MYO1G: variants seen among roughly 807,000 people sequenced by gnomAD.
The protein encoded by MYO1G is myosin IG, also known as unconventional myosin-Ig.
Under a neutral mutation model 115.3 loss-of-function variants are expected in MYO1G, and 65 were observed. The ratio of observed to expected loss-of-function variants is 0.56; its 90% confidence interval spans 0.46 to 0.69. The LOEUF (loss-of-function observed/expected upper bound fraction) is 0.69, where lower values mean the gene tolerates loss of function less well. MYO1G is among the 30% of genes least tolerant of loss of function. The probability of loss-of-function intolerance (pLI) is 0.00; values close to 1 mark genes in which losing one functional copy is unlikely to be tolerated. For missense variants in MYO1G, 1,204 were observed against 1,393.5 expected (o/e 0.86, Z 2.16); for synonymous variants, 510 against 552.6 (o/e 0.92, Z 1.08).
rs1435728071 is a variant in MYO1G at position 44,966,337 on chromosome 7, C to T, written c.1950-57G>A. The T allele has an allele frequency of 1.6e-5, 23 of 1,431,716 alleles. No individual in the cohort carries two copies. Among genetic ancestry groups the T allele is most frequent in the East Asian group, 4.9e-5 (2 of 40,414 alleles). The allele number at this position is 1,431,716 out of a possible 1,614,324, so 88.7% of individuals were successfully genotyped here. On this transcript the variant is annotated intron_variant, in intron 15 of 21. Transcript: ENST00000258787. This position sits in a 1 kb window ranked among gnomAD's most constrained non-coding sequence, Gnocchi z 5.0. ...GGCCTGGGGGAGAGATGATGGAGCC[C>T]ACCCTGCCCACCCCACACCTGGGGA...
At chr7:44,968,067 G>A (rs1171612752) in intron 12 of MYO1G, 109 bp from the exon 13 acceptor site, 7 of 877,762 alleles carry the variant, frequency 8.0e-6, no homozygotes, top group African/African-American at 1.7e-5. Context: ...GTTCCCATAG[G>A]TCAGTCTCTC....
rs1203998039 is a variant in MYO1G at position 44,975,214 on chromosome 7, T to C, written c.578A>G (p.Lys193Arg). 4 of 1,613,938 alleles carry C rather than the reference T, an allele frequency of 2.5e-6. No individual in the cohort carries two copies. The highest frequency in any genetic ancestry group is 1.3e-5 in the African/African-American group (1 of 74,914). The change falls in exon 5 of 22, where the codon AAG (lysine) becomes AGG (arginine). Residue 193 changes from lysine (K) to arginine (R), a missense_variant. Physicochemically the swap from Lys to Arg is conservative, Grantham distance 26. Coordinates refer to ENST00000258787, the MANE Select transcript of MYO1G (RefSeq NM_033054.3). The stretch of plus-strand genomic sequence containing the variant: ...GAAGTTTCTTTCACCCACGTGCTGC[T>C]TGAGGACCCGAGACTGAGGAGAGAG... ...SYLLEKSRVLKQHVGERNFHA... is the reference protein window; with the variant it reads ...SYLLEKSRVLRQHVGERNFHA...
chr7:44,976,475 G>T, intron 3 of MYO1G, 89 bp downstream of exon 3: 1 of 1,272,828 alleles, frequency 7.9e-7, no homozygotes, highest in South Asian at 1.2e-5. Context: ...TCCAGTTGCC[G>T]TCTCTCACTC....
Position 44,962,686 on chromosome 7 carries a change from A to C in MYO1G, c.*53T>G. ...GGGCTGACTCAGAAGGTTTATTTGC[A>C]GCGCTGGCGGGGCGGACAATTGGCG... On this transcript the variant is annotated 3_prime_UTR_variant, in exon 22 of 22. Coordinates refer to ENST00000258787, the MANE Select transcript of MYO1G (RefSeq NM_033054.3). The surrounding 1 kb of genome is among the most constrained non-coding windows in gnomAD (Gnocchi z 5.3). 1 of 1,439,208 alleles carries C rather than the reference A, an allele frequency of 6.9e-7. No homozygotes were observed. Among genetic ancestry groups the C allele is most frequent in the Non-Finnish European group, 9.0e-7 (1 of 1,105,596 alleles). The allele number at this position is 1,439,208 out of a possible 1,614,324, so 89.2% of individuals were successfully genotyped here.
In MYO1G at chr7:44,976,549, C is replaced by A; in HGVS notation, c.398+15G>T. On this transcript the variant is annotated intron_variant, in intron 3 of 21. Coordinates refer to ENST00000258787, the MANE Select transcript of MYO1G (RefSeq NM_033054.3). ...CCTGCCATGCTGAGGCCCAGAGCTG[C>A]CCATTGCCACTCACCTCTCCACCTC... 6.2e-7 allele frequency: 1 copy of A among 1,612,366 alleles called. No individual in the cohort carries two copies. The highest frequency in any genetic ancestry group is 8.5e-7 in the Non-Finnish European group (1 of 1,178,432).
chr7:44,964,140 C>T lies in MYO1G; in HGVS notation c.2654G>A (p.Arg885Gln), dbSNP rs1284165978. ...VRKVNRFHKIRNRALLLTDQH... is the reference protein window; with the variant it reads ...VRKVNRFHKIQNRALLLTDQH... ...GTCTGTGAGCAGGAGGGCCCGGTTC[C>T]GGATCTTGTGGAAGCGGTTCACCTG... The change falls in exon 20 of 22, where the codon CGG becomes CAG. Residue 885 changes from arginine (R) to glutamine (Q), a missense_variant. By Grantham distance (43) the Arg-to-Gln change is conservative. Transcript: ENST00000258787. This position sits in a 1 kb window ranked among gnomAD's most constrained non-coding sequence, Gnocchi z 5.1. 1.1e-5 allele frequency: 18 copies of T among 1,599,426 alleles called. No homozygotes were observed. The highest frequency in any genetic ancestry group is 1.4e-5 in the Non-Finnish European group (16 of 1,173,058).
Position 44,962,958 on chromosome 7 carries a change from G to C in MYO1G, c.2900+12C>G, listed in dbSNP as rs1794774675. The C allele has an allele frequency of 6.5e-7, 1 of 1,528,876 alleles. No homozygotes were observed. Among genetic ancestry groups the C allele is most frequent in the Non-Finnish European group, 8.8e-7 (1 of 1,141,948 alleles). 94.7% of individuals were successfully genotyped at this position (1,528,876 alleles called of 1,614,324 possible). A position where few individuals can be genotyped will look rare whatever the true frequency, so the allele number is the denominator to read the frequency against. ...GGGGCTTCGTGCCCGCTACCGCCCA[G>C]CCTGCACTCACCCCTGGCAGTGTGC... On this transcript the variant is annotated intron_variant, in intron 21 of 21. Transcript: ENST00000258787. This position sits in a 1 kb window ranked among gnomAD's most constrained non-coding sequence, Gnocchi z 5.3.
chr7:44,970,281 C>T lies in MYO1G; in HGVS notation c.1218-127G>A, dbSNP rs187999205. ...GTTCTGGTGCCAGCACCCTGTGTGG[C>T]TTCCCTGTGGCTTATGCATCCCTGC... On this transcript the variant is annotated intron_variant, in intron 9 of 21. Transcript: ENST00000258787. The T allele has an allele frequency of 1.0e-5, 8 of 762,106 alleles. No homozygotes were observed. In the East Asian group the frequency reaches 1.9e-4, roughly 18 times the overall value. 47.2% of individuals were successfully genotyped at this position (762,106 alleles called of 1,614,324 possible).
Position 44,962,667 on chromosome 7 carries a change from A to G in MYO1G, c.*72T>C. On this transcript the variant is annotated 3_prime_UTR_variant, in exon 22 of 22. Coordinates refer to ENST00000258787, the MANE Select transcript of MYO1G (RefSeq NM_033054.3). This position sits in a 1 kb window ranked among gnomAD's most constrained non-coding sequence, Gnocchi z 5.3. The stretch of plus-strand genomic sequence containing the variant: ...GCGGGAGCGGCGAGCAGGAGGGCTG[A>G]CTCAGAAGGTTTATTTGCAGCGCTG... The G allele has an allele frequency of 7.1e-7, 1 of 1,407,530 alleles. No individual in the cohort carries two copies. Among genetic ancestry groups the G allele is most frequent in the Non-Finnish European group, 9.2e-7 (1 of 1,087,436 alleles). 87.2% of individuals were successfully genotyped at this position (1,407,530 alleles called of 1,614,324 possible). A position where few individuals can be genotyped will look rare whatever the true frequency, so the allele number is the denominator to read the frequency against.
rs1196219373 is a variant in MYO1G, at chr7:44,970,726, C to T, written c.1083G>A (p.Gln361=). Residue 361 remains glutamine, a synonymous_variant, in exon 9 of 22, where the codon CAG becomes CAA. Transcript: ENST00000258787. ...ARDACAKAVY[Q]RLFEWVVNRI... ...TGTTCACCACCCACTCAAACAGCCG[C>T]TGGTACACTGCCTGGGGGATAGGAA... 2.5e-6 allele frequency: 4 copies of T among 1,613,884 alleles called. No homozygotes were observed. The Admixed American group carries it at 6.7e-5, about 27-fold the overall frequency.
intron 17 of MYO1G, 46 bp from the exon 18 acceptor site, chr7:44,965,135 G>C: frequency 6.4e-7 from 1 of 1,572,114 alleles, no homozygotes; most frequent in East Asian, 2.3e-5. Flanking sequence ...ATGTGTTCAT[G>C]TGCTCCCTGA....
At position 44,969,101 on chromosome 7, in the gene MYO1G, C is replaced by T. The variant is rs909649785; in HGVS notation, c.1574+312G>A. The T allele has an allele frequency of 6.2e-6, 2 of 322,776 alleles. No individual in the cohort carries two copies. The highest frequency in any genetic ancestry group is 1.2e-5 in the Non-Finnish European group (2 of 166,680). 20.0% of individuals were successfully genotyped at this position (322,776 alleles called of 1,614,324 possible). ...TGCACCTTCCACTCCCTCCCCACCC[C>T]CACATCACCAGCCTGAAGCCCCCCA... On this transcript the variant is annotated intron_variant, in intron 12 of 21. Coordinates refer to ENST00000258787, the MANE Select transcript of MYO1G (RefSeq NM_033054.3). This position sits in a 1 kb window ranked among gnomAD's most constrained non-coding sequence, Gnocchi z 5.0.
At chr7:44,972,459 T>C (rs1583792809) in intron 5 of MYO1G, 2 of 507,564 alleles carry the variant, frequency 3.9e-6, no homozygotes, top group East Asian at 7.3e-5. Context: ...ATGAAGTCAC[T>C]GTTCTTGTGC....
rs1795129485 is a variant in MYO1G at position 44,978,801 on chromosome 7, C to A, written c.95+66G>T. The stretch of plus-strand genomic sequence containing the variant: ...GCGTGCCTTCCTCTTTCCCTCAGGT[C>A]TCTGCGAGGACGCAAGGTGGGAGAC... On this transcript the variant is annotated intron_variant, in intron 1 of 21. Coordinates refer to ENST00000258787, the MANE Select transcript of MYO1G (RefSeq NM_033054.3). 5.4e-6 allele frequency: 8 copies of A among 1,479,384 alleles called. No individual in the cohort carries two copies. In the South Asian group the frequency reaches 8.0e-5, roughly 15 times the overall value. 91.6% of individuals were successfully genotyped at this position (1,479,384 alleles called of 1,614,324 possible).
intron 14 of MYO1G, among the ~76,000 whole-genome samples, chr7:44,967,051 G>A (rs1043611667): frequency 1.3e-5 from 2 of 152,296 alleles, no homozygotes; most frequent in East Asian, 1.9e-4. Flanking sequence ...GCCCCTGGTC[G>A]GGGGGTGGGG....
At position 44,963,480 on chromosome 7, in the gene MYO1G, G is replaced by A. The variant is rs1312140903; in HGVS notation, c.2746-356C>T. On this transcript the variant is annotated intron_variant, in intron 20 of 21. Transcript: ENST00000258787. This position sits in a 1 kb window ranked among gnomAD's most constrained non-coding sequence, Gnocchi z 4.1. ...ACTTTCACTGCATTTAAACAACCAC[G>A]CCGGCTTTGGGCTGTGGCATTACAC... 3 of 269,486 alleles carry A rather than the reference G, an allele frequency of 1.1e-5. No homozygotes were observed. Among genetic ancestry groups the A allele is most frequent in the Admixed American group, 5.1e-5 (1 of 19,468 alleles). 16.7% of individuals were successfully genotyped at this position (269,486 alleles called of 1,614,324 possible).
chr7:44,978,969 G>A lies in MYO1G; in HGVS notation c.-8C>T, dbSNP rs767475374. On this transcript the variant is annotated 5_prime_UTR_variant, in exon 1 of 22. Coordinates refer to ENST00000258787, the MANE Select transcript of MYO1G (RefSeq NM_033054.3). ...GCCTTCCTCGTCCTCCATCCTGCCGGCTGGAAACACCTTGCCTCACCTTCC... is the reference window on the plus strand; with the variant it reads ...GCCTTCCTCGTCCTCCATCCTGCCGACTGGAAACACCTTGCCTCACCTTCC... 6.2e-7 allele frequency: 1 copy of A among 1,613,900 alleles called. No individual in the cohort carries two copies. Among genetic ancestry groups the A allele is most frequent in the Admixed American group, 1.7e-5 (1 of 60,022 alleles).
In MYO1G at chr7:44,966,411, C is replaced by T. The variant is rs1231050839; in HGVS notation, c.1950-131G>A. 4 of 882,544 alleles carry T rather than the reference C, an allele frequency of 4.5e-6. No individual in the cohort carries two copies. Among genetic ancestry groups the T allele is most frequent in the South Asian group, 4.4e-5 (3 of 68,948 alleles). 54.7% of individuals were successfully genotyped at this position (882,544 alleles called of 1,614,324 possible). On this transcript the variant is annotated intron_variant, in intron 15 of 21. Transcript: ENST00000258787. The surrounding 1 kb of genome is among the most constrained non-coding windows in gnomAD (Gnocchi z 5.0). ...TCCTGGAGCACTTATGACACCTGTG[C>T]ACATATGTCTTCCCATACACATGTC...
In MYO1G at chr7:44,970,947, T is replaced by C; in HGVS notation, c.959A>G (p.Asp320Gly). ...HVAELTATPRDLVLRSLLART... is the reference protein window; with the variant it reads ...HVAELTATPRGLVLRSLLART... ...AGCCAGCAGGGAGCGGAGCACGAGG[T>C]CCCGGGGTGTGGCCGTCAGCTCAGC... The change falls in exon 8 of 22, where the codon GAC becomes GGC. Residue 320 changes from aspartate to glycine, a missense_variant. Transcript: ENST00000258787. 2.5e-6 allele frequency: 4 copies of C among 1,613,438 alleles called. No homozygotes were observed. The highest frequency in any genetic ancestry group is 3.4e-6 in the Non-Finnish European group (4 of 1,179,996).
Sources: allele counts gnomAD v4.1 joint callset (sites outside exome capture counted in the v4.1 genomes callset), GRCh38; gene constraint gnomAD v4.1.1; non-coding constraint Gnocchi (gnomAD v3.1); transcripts MANE v1.5; gene names NCBI Gene and HGNC (gene_info 2026-07-23, HGNC 2026-07-21).